The following TTLL5 variants were observed in gnomAD, a reference collection of about 807,000 sequenced individuals.
The protein encoded by TTLL5 is tubulin polyglutamylase TTLL5.
A neutral mutation model predicts 168.4 loss-of-function variants in TTLL5; 132 were observed. The ratio of observed to expected loss-of-function variants is 0.78; its 90% confidence interval spans 0.68 to 0.91. The LOEUF is 0.91. Among genes scored for constraint, TTLL5 ranks in the 40% least tolerant of loss-of-function variants. The pLI is 0.00. For synonymous variants in TTLL5, 546 were observed against 558.6 expected, an observed-to-expected ratio of 0.98 and a Z score of 0.32; for missense variants, 1,545 against 1,581.5, an observed-to-expected ratio of 0.98 and a Z score of 0.39.
At chr14:75,722,282 G>A (rs141446314) in intron 12 of TTLL5, among the ~76,000 whole-genome samples, 1,881 of 151,632 alleles carry the variant, frequency 0.012, 16 homozygotes, top group South Asian at 0.026. Context: ...GTCTTGCTCT[G>A]TTGCCCAGGG....
Position 75,783,486 on chromosome 14 carries a change from A to T in TTLL5, c.2942A>T (p.His981Leu). Residue 981 changes from histidine to leucine, a missense_variant, in exon 26 of 32, where the codon CAC becomes CTC. Transcript: ENST00000298832. ...GPFSSFQSAA[H>L]IYSQKLSRPS... ...TTTTCTTCCTTCCAAAGTGCTGCAC[A>T]CATCTATAGCCAGAAACTGTCTCGT... 1.2e-6 allele frequency: 2 copies of T among 1,614,174 alleles called. No homozygotes were observed. The highest frequency in any genetic ancestry group is 1.7e-6 in the Non-Finnish European group (2 of 1,180,016).
intron 12 of TTLL5, 103 bp from the exon 13 acceptor site, chr14:75,732,235 T>G: frequency 3.1e-5 from 28 of 892,452 alleles, no homozygotes; most frequent in Non-Finnish European, 4.6e-5. Flanking sequence ...TTACACTCAG[T>G]GAGTTTCTAG....
At chr14:75,755,230 A>G (rs1890173750) in intron 18 of TTLL5, among the ~76,000 whole-genome samples, 1 of 151,752 alleles carries the variant, frequency 6.6e-6, no homozygotes, top group African/African-American at 2.4e-5. Flanking sequence ...GCACCATTGC[A>G]TTCCAGCCTG....
chr14:75,830,290 A>G (rs913074774), intron 28 of TTLL5, among the ~76,000 whole-genome samples: 7 of 152,256 alleles, frequency 4.6e-5, no homozygotes, highest in Admixed American at 1.3e-4. Flanking sequence ...ATCTGGGTCC[A>G]GTCCACCTTA....
At chr14:75,720,518 T>A in intron 11 of TTLL5, 78 bp from the exon 12 acceptor site, 1 of 1,086,078 alleles carries the variant, frequency 9.2e-7, no homozygotes, top group Non-Finnish European at 1.4e-6. Flanking sequence ...CTTTTATAGT[T>A]ATATTGTTAT....
chr14:75,713,408 A>G (rs1368011449), intron 9 of TTLL5, among the ~76,000 whole-genome samples: 1 of 152,214 alleles, frequency 6.6e-6, no homozygotes, highest in Non-Finnish European at 1.5e-5. Context: ...AGGCTATACC[A>G]TCCAGGTTTG....
chr14:75,777,523 C>A (rs1891786325), intron 23 of TTLL5, among the ~76,000 whole-genome samples: 1 of 152,112 alleles, frequency 6.6e-6, no homozygotes, highest in Non-Finnish European at 1.5e-5. Context: ...CCATTTTGTC[C>A]ATTTATGTTG....
chr14:75,783,238 C>G lies in TTLL5; in HGVS notation c.2694C>G (p.Thr898=). The change falls in exon 26 of 32, where the codon ACC becomes ACG. Residue 898 remains threonine, a synonymous_variant. Coordinates refer to ENST00000298832, the MANE Select transcript of TTLL5 (RefSeq NM_015072.5). ...CTACTCTGCAGAAAATTCCCAACAC[C>G]CATTTGTCATCTGTTACAACCTCTG... is the stretch of plus-strand genomic sequence containing the variant. ...PTATLQKIPN[T]HLSSVTTSDL... 1 of 1,614,174 alleles carries G rather than the reference C, an allele frequency of 6.2e-7. No homozygotes were observed. Among genetic ancestry groups the G allele is most frequent in the Non-Finnish European group, 8.5e-7 (1 of 1,180,034 alleles).
At chr14:75,937,273 C>T (rs779057227) in intron 31 of TTLL5, among the ~76,000 whole-genome samples, 11 of 151,498 alleles carry the variant, frequency 7.3e-5, no homozygotes, top group Non-Finnish European at 1.0e-4. Context: ...TGCACCACCA[C>T]GTCCAGCTAA....
At position 75,783,320 on chromosome 14, in the gene TTLL5, C is replaced by T; in HGVS notation, c.2776C>T (p.Pro926Ser). The T allele has an allele frequency of 6.2e-7, 1 of 1,614,142 alleles. No homozygotes were observed. The highest frequency in any genetic ancestry group is 1.1e-5 in the South Asian group (1 of 91,066). Residue 926 changes from proline (P) to serine (S), a missense_variant, in exon 26 of 32, where the codon CCC (proline) becomes TCC (serine). By Grantham distance (74) the Pro-to-Ser change is moderately conservative (BLOSUM62 -1). Transcript: ENST00000298832. ...TTTATCTCAAATTCCTTCAGCTATC[C>T]CCAGCATGCCTCACCAGCCAACAAT... is the stretch of plus-strand genomic sequence containing the variant. ...SSLSQIPSAI[P>S]SMPHQPTILL...
intron 30 of TTLL5, among the ~76,000 whole-genome samples, chr14:75,895,178 A>G (rs2032592394): frequency 6.6e-6 from 1 of 152,244 alleles, no homozygotes; most frequent in African/African-American, 2.4e-5. Flanking sequence ...AAAAAAGAAA[A>G]AACATTTTAT....
chr14:75,790,295 C>T (rs376659026), intron 26 of TTLL5, among the ~76,000 whole-genome samples: 8 of 151,928 alleles, frequency 5.3e-5, no homozygotes, highest in South Asian at 2.1e-4. Flanking sequence ...AAACACAAAT[C>T]GTGTAAGTCA....
intron 31 of TTLL5, among the ~76,000 whole-genome samples, chr14:75,931,993 T>C (rs1300376311): frequency 1.3e-5 from 2 of 152,216 alleles, no homozygotes; most frequent in African/African-American, 4.8e-5. Flanking sequence ...TTCATAGTAC[T>C]GGGCATATAG....
intron 1 of TTLL5, 112 bp downstream of exon 1, chr14:75,661,499 C>T (rs1054200544): frequency 2.0e-5 from 3 of 152,322 alleles, no homozygotes; most frequent in African/African-American, 7.2e-5. Context: ...CTGTTGGCTT[C>T]CGGGCGCGCC....
intron 29 of TTLL5, among the ~76,000 whole-genome samples, chr14:75,878,237 C>A (rs1419960746): frequency 6.6e-6 from 1 of 152,150 alleles, no homozygotes; most frequent in Non-Finnish European, 1.5e-5. Context: ...TATAACAGAA[C>A]CCTCTCTACC....
At chr14:75,745,661 C>A in intron 17 of TTLL5, 80 bp downstream of exon 17, 1 of 1,098,630 alleles carries the variant, frequency 9.1e-7, no homozygotes, top group Non-Finnish European at 1.4e-6. Context: ...GTCATCACTG[C>A]TCCCCCCGAT....
intron 15 of TTLL5, among the ~76,000 whole-genome samples, chr14:75,744,149 C>T (rs1889452229): frequency 1.3e-5 from 2 of 152,160 alleles, no homozygotes; most frequent in South Asian, 4.1e-4. Context: ...GACAATGGGG[C>T]TGCTGCTCTC....
intron 3 of TTLL5, among the ~76,000 whole-genome samples, chr14:75,671,060 C>A (rs568013825): frequency 7.9e-5 from 12 of 152,144 alleles, no homozygotes; most frequent in African/African-American, 2.9e-4. Flanking sequence ...GTCTTTGATC[C>A]ATTTTGAGTT....
At chr14:75,763,147 G>A (rs1256616131) in intron 18 of TTLL5, among the ~76,000 whole-genome samples, 1 of 152,000 alleles carries the variant, frequency 6.6e-6, no homozygotes, top group Non-Finnish European at 1.5e-5. Flanking sequence ...GACCAAGTTA[G>A]CCAGACATTA....
Sources: gnomAD v4.1 joint callset for allele counts (sites outside exome capture counted in the v4.1 genomes callset) on GRCh38, gnomAD v4.1.1 for gene constraint, MANE v1.5 for transcripts, NCBI Gene and HGNC (gene_info 2026-07-23, HGNC 2026-07-21) for gene names.